PDSS2: variants seen among roughly 807,000 people sequenced by gnomAD.
PDSS2 encodes the protein all trans-polyprenyl-diphosphate synthase PDSS2.
PDSS2 carries 31 observed loss-of-function variants against 44.5 expected under a neutral mutation model. The observed-to-expected ratio is 0.70, with a 90% CI of 0.52 to 0.94. PDSS2 has a LOEUF of 0.94. Ranked by LOEUF, PDSS2 falls within the 40% of genes least tolerant of loss-of-function variation. PDSS2 has a pLI of 0.00. For synonymous variants in PDSS2, 157 were observed against 180.3 expected (o/e 0.87, Z 1.03); for missense variants, 452 against 482.2 (o/e 0.94, Z 0.59).
intron 7 of PDSS2, among the ~76,000 whole-genome samples, chr6:107,161,795 G>A (rs1771144039): frequency 6.6e-6 from 1 of 152,170 alleles, no homozygotes; most frequent in African/African-American, 2.4e-5. Context: ...TGCTATGAAT[G>A]ACCATAGATT....
chr6:107,207,846 G>C (rs894713443), intron 6 of PDSS2, among the ~76,000 whole-genome samples: 1 of 151,710 alleles, frequency 6.6e-6, no homozygotes, highest in Non-Finnish European at 1.5e-5. Context: ...CTGACCTCAA[G>C]TGATCTGCCC....
intron 4 of PDSS2, among the ~76,000 whole-genome samples, chr6:107,221,542 A>T (rs536835137): frequency 2.1e-4 from 32 of 151,864 alleles, no homozygotes; most frequent in African/African-American, 4.3e-4. Context: ...AAGTATGTTA[A>T]TTTTTTTTAA....
At chr6:107,320,578 C>CA (rs1777349895) in intron 2 of PDSS2, among the ~76,000 whole-genome samples, 1 of 151,818 alleles carries the variant, frequency 6.6e-6, no homozygotes, top group Non-Finnish European at 1.5e-5. Flanking sequence ...GTTCTTGTGT[C>CA]AAAGAAAATA....
intron 4 of PDSS2, among the ~76,000 whole-genome samples, chr6:107,244,201 G>A (rs569414102): frequency 6.6e-6 from 1 of 152,298 alleles, no homozygotes; most frequent in South Asian, 2.1e-4. Context: ...CTAACAAGTT[G>A]TGTGACCTTG....
At chr6:107,319,401 C>T (rs780635992) in intron 2 of PDSS2, among the ~76,000 whole-genome samples, 27 of 152,270 alleles carry the variant, frequency 1.8e-4, no homozygotes, top group Non-Finnish European at 2.6e-4. Flanking sequence ...GCTTTTGCTA[C>T]GTTCCCACGC....
chr6:107,286,407 G>A (rs1776153496), intron 2 of PDSS2, among the ~76,000 whole-genome samples: 1 of 151,958 alleles, frequency 6.6e-6, no homozygotes, highest in African/African-American at 2.4e-5. Flanking sequence ...CTACTCGGGA[G>A]GCTGAGGCTG....
chr6:107,376,553 GCT>G (rs1241968745), intron 1 of PDSS2, among the ~76,000 whole-genome samples: 1 of 152,066 alleles, frequency 6.6e-6, no homozygotes, highest in Non-Finnish European at 1.5e-5. Flanking sequence ...TCATGATTTG[GCT>G]CTCTGTCTGT....
intron 1 of PDSS2, among the ~76,000 whole-genome samples, chr6:107,395,044 T>A (rs992667197): frequency 7.9e-5 from 12 of 152,182 alleles, no homozygotes; most frequent in African/African-American, 2.9e-4. Flanking sequence ...CCTCTATTTA[T>A]GATATTTTCA....
intron 4 of PDSS2, among the ~76,000 whole-genome samples, chr6:107,220,334 CAATT>C (rs1773559931): frequency 6.6e-6 from 1 of 151,986 alleles, no homozygotes; most frequent in Non-Finnish European, 1.5e-5. Flanking sequence ...GTATGACTCT[CAATT>C]AACTGTGGTT....
intron 7 of PDSS2, among the ~76,000 whole-genome samples, chr6:107,172,855 GCA>G (rs1771631535): frequency 1.3e-5 from 2 of 151,838 alleles, no homozygotes; most frequent in African/African-American, 4.8e-5. Context: ...GCTGGGCACG[GCA>G]GCTCACGCTT....
At position 107,152,846 on chromosome 6, in the gene PDSS2, A is replaced by G. The variant is rs543252783; in HGVS notation, c.*1773T>C. 13 of 152,334 alleles carry G rather than the reference A, an allele frequency of 8.5e-5. No homozygotes were observed. Among genetic ancestry groups the G allele is most frequent in the African/African-American group, 3.1e-4 (13 of 41,588 alleles). The allele number at this position is 152,334 out of a possible 1,614,324, so 9.4% of individuals were successfully genotyped here. A position where few individuals can be genotyped will look rare whatever the true frequency, so the allele number is the denominator to read the frequency against. ...AAGTATGACTTCTTTGTGGAAGTTA[A>G]TGATTAAAACCTAGTCTGATCTAAA... On this transcript the variant is annotated 3_prime_UTR_variant, in exon 8 of 8. Transcript: ENST00000369037.
chr6:107,414,056 A>C (rs1780587519), intron 1 of PDSS2, among the ~76,000 whole-genome samples: 1 of 152,266 alleles, frequency 6.6e-6, no homozygotes, highest in South Asian at 2.1e-4. Context: ...TCAAAAGTAC[A>C]ATTAAGATGA....
chr6:107,348,427 G>A (rs1746401168), intron 1 of PDSS2, among the ~76,000 whole-genome samples: 1 of 152,160 alleles, frequency 6.6e-6, no homozygotes, highest in African/African-American at 2.4e-5. Flanking sequence ...AACCAATAAT[G>A]TTGAGTCATT....
chr6:107,409,739 T>C (rs535496646), intron 1 of PDSS2, among the ~76,000 whole-genome samples: 3 of 152,240 alleles, frequency 2.0e-5, no homozygotes, highest in Admixed American at 2.0e-4. Context: ...TCCTACGAAA[T>C]AGGTACTTCT....
chr6:107,285,172 T>C (rs1034974729), intron 2 of PDSS2, among the ~76,000 whole-genome samples: 5 of 152,228 alleles, frequency 3.3e-5, no homozygotes, highest in Non-Finnish European at 5.9e-5. Flanking sequence ...GCAAGAGTCA[T>C]CCATTTAAAG....
At chr6:107,178,468 G>T (rs1349478215) in intron 7 of PDSS2, among the ~76,000 whole-genome samples, 6 of 152,098 alleles carry the variant, frequency 3.9e-5, no homozygotes, top group East Asian at 1.9e-4. Flanking sequence ...GTTTTAAATG[G>T]TTATTATCTA....
At chr6:107,295,879 A>G (rs1776492908) in intron 2 of PDSS2, among the ~76,000 whole-genome samples, 1 of 152,178 alleles carries the variant, frequency 6.6e-6, no homozygotes, top group Non-Finnish European at 1.5e-5. Flanking sequence ...AACAGATTAT[A>G]TATCTTTTTG....
intron 1 of PDSS2, among the ~76,000 whole-genome samples, chr6:107,417,900 G>C (rs962406857): frequency 5.3e-5 from 8 of 151,260 alleles, no homozygotes; most frequent in Non-Finnish European, 1.0e-4. Context: ...TGTAATACAA[G>C]ACAATAAAAT....
intron 4 of PDSS2, among the ~76,000 whole-genome samples, chr6:107,225,966 G>A (rs1222067967): frequency 6.6e-6 from 1 of 152,156 alleles, no homozygotes; most frequent in African/African-American, 2.4e-5. Flanking sequence ...TGCTCTCATA[G>A]TTATTACAGT....
Sources: gnomAD v4.1 joint callset for allele counts (sites outside exome capture counted in the v4.1 genomes callset) on GRCh38, gnomAD v4.1.1 for gene constraint, MANE v1.5 for transcripts, NCBI Gene and HGNC (gene_info 2026-07-23, HGNC 2026-07-21) for gene names.